The following GPBP1L1 variants were observed in gnomAD, a reference collection of about 807,000 sequenced individuals.
GPBP1L1 encodes the protein vasculin-like protein 1.
GPBP1L1 carries 23 observed loss-of-function variants against 52.5 expected under a neutral mutation model. That is an observed-to-expected ratio of 0.44 (90% CI 0.32 to 0.62). The LOEUF is 0.62. GPBP1L1 is among the 20% of genes least tolerant of loss of function. GPBP1L1 has a pLI of 0.06. For synonymous variants in GPBP1L1, 243 were observed against 203.1 expected (o/e 1.20, Z -1.67); for missense variants, 596 against 579.3 (o/e 1.03, Z -0.30).
At chr1:45,651,209 C>T (rs531082554) in intron 6 of GPBP1L1, 30 of 450,796 alleles carry the variant, frequency 6.7e-5, no homozygotes, top group African/African-American at 1.2e-4. Context: ...TCCAAGTTAA[C>T]CTGTGTGAAG....
intron 12 of GPBP1L1, 122 bp downstream of exon 12, chr1:45,629,454 T>TTTCCCCCCCCCCCC: frequency 3.5e-5 from 4 of 115,396 alleles, no homozygotes; most frequent in South Asian, 1.9e-4. Context: ...ACTAAGGTAA[T>TTTCCCCCCCCCCCC]CCCCCCCCCC....
chr1:45,639,714 A>G (rs560923199), intron 8 of GPBP1L1, among the ~76,000 whole-genome samples: 50 of 152,050 alleles, frequency 3.3e-4, no homozygotes, highest in South Asian at 8.3e-4. Context: ...CGTCTCTACT[A>G]AAAATACAAA....
chr1:45,646,487 G>C (rs1176911087), intron 6 of GPBP1L1, among the ~76,000 whole-genome samples: 1 of 151,802 alleles, frequency 6.6e-6, no homozygotes, highest in Non-Finnish European at 1.5e-5. Context: ...TAGTCATCCT[G>C]GCTATCCTTT....
In GPBP1L1 at chr1:45,660,542, A is replaced by C. The variant is rs1644936347; in HGVS notation, c.-414T>G. 1.0e-6 allele frequency: 1 copy of C among 985,180 alleles called. No homozygotes were observed. The highest frequency in any genetic ancestry group is 4.7e-5 in the South Asian group (1 of 21,284). 61.0% of individuals were successfully genotyped at this position (985,180 alleles called of 1,614,324 possible). On this transcript the variant is annotated 5_prime_UTR_variant, in exon 3 of 13. Coordinates refer to ENST00000355105, the MANE Select transcript of GPBP1L1 (RefSeq NM_021639.5). Reference sequence around the variant, plus strand: ...GCACTATGATGTTGCTTAATTAGGTAAGACATGGATATTTGCACCGAGTGC... The same window carrying C: ...GCACTATGATGTTGCTTAATTAGGTCAGACATGGATATTTGCACCGAGTGC...
At chr1:45,630,644 G>C (rs372518521) in intron 10 of GPBP1L1, 38 bp from the exon 11 acceptor site, 6 of 1,608,496 alleles carry the variant, frequency 3.7e-6, no homozygotes, top group Non-Finnish European at 5.1e-6. Flanking sequence ...TTGGTTTAAG[G>C]TTCCTTTGTA....
At chr1:45,654,298 A>T in intron 6 of GPBP1L1, 1 of 367,876 alleles carries the variant, frequency 2.7e-6, no homozygotes, top group Non-Finnish European at 4.9e-6. Context: ...AAGACTTAAG[A>T]GAAATTAAAT....
chr1:45,652,082 T>C (rs1045561566), intron 6 of GPBP1L1, among the ~76,000 whole-genome samples: 1 of 152,248 alleles, frequency 6.6e-6, no homozygotes, highest in South Asian at 2.1e-4. Flanking sequence ...AATTCTGTTA[T>C]GAGGCTGTCC....
chr1:45,638,191 T>C (rs1644620538), intron 8 of GPBP1L1, among the ~76,000 whole-genome samples: 1 of 152,262 alleles, frequency 6.6e-6, no homozygotes, highest in Non-Finnish European at 1.5e-5. Context: ...AATCCTTTAA[T>C]GATCTCTTCC....
Position 45,634,223 on chromosome 1 carries a change from T to C in GPBP1L1, c.758A>G (p.Lys253Arg). The C allele has an allele frequency of 6.2e-7, 1 of 1,612,938 alleles. No homozygotes were observed. Among genetic ancestry groups the C allele is most frequent in the Non-Finnish European group, 8.5e-7 (1 of 1,179,258 alleles). Reference sequence around the variant, plus strand: ...TGACTTGTGCTCCATCCTGTTAGCTTTCCATGCATTAGGCTACACAGGGTG... The same window carrying C: ...TGACTTGTGCTCCATCCTGTTAGCTCTCCATGCATTAGGCTACACAGGGTG... ...VPPPSKPNAWKANRMEHKSGS... is the reference protein window; with the variant it reads ...VPPPSKPNAWRANRMEHKSGS... Residue 253 changes from lysine (K) to arginine (R), a missense_variant, in exon 9 of 13, where the codon AAA (lysine) becomes AGA (arginine). Transcript: ENST00000355105.
chr1:45,629,623 G>A lies in GPBP1L1; in HGVS notation c.1225C>T (p.Pro409Ser). Residue 409 changes from proline (P) to serine (S), a missense_variant, in exon 12 of 13, where the codon CCC (proline) becomes TCC (serine). Coordinates refer to ENST00000355105, the MANE Select transcript of GPBP1L1 (RefSeq NM_021639.5). ...TCTTTGAGCTCATCCTCTGTGAGGG[G>A]AAGGCAATTCTCATCATTTTCAGGA... ...EYPENDENCL[P>S]LTEDELKEFH... is the part of the protein sequence containing the mutation. 1.2e-6 allele frequency: 2 copies of A among 1,613,626 alleles called. No homozygotes were observed. Among genetic ancestry groups the A allele is most frequent in the Non-Finnish European group, 1.7e-6 (2 of 1,179,570 alleles).
At chr1:45,681,529 T>A (rs1557725281) in intron 2 of GPBP1L1, among the ~76,000 whole-genome samples, 1 of 152,172 alleles carries the variant, frequency 6.6e-6, no homozygotes, top group East Asian at 1.9e-4. Flanking sequence ...AGAAAAGTAG[T>A]ACCTAAGAAA....
At chr1:45,636,214 T>C (rs772388835) in intron 8 of GPBP1L1, among the ~76,000 whole-genome samples, 22 of 152,188 alleles carry the variant, frequency 1.4e-4, no homozygotes, top group Non-Finnish European at 7.4e-5. Flanking sequence ...CTGTCCCTTT[T>C]TCCCTTCTTG....
Position 45,628,198 on chromosome 1 carries a change from A to G in GPBP1L1, c.*58T>C, listed in dbSNP as rs535795471. ...AAAGGAAAAGAACGATTTCTTTTGTATACTCCCTAAACACACAGAGTTTAC... is the reference window on the plus strand; with the variant it reads ...AAAGGAAAAGAACGATTTCTTTTGTGTACTCCCTAAACACACAGAGTTTAC... On this transcript the variant is annotated 3_prime_UTR_variant, in exon 13 of 13. Transcript: ENST00000355105. 33 of 1,490,158 alleles carry G rather than the reference A, an allele frequency of 2.2e-5. No homozygotes were observed. In the South Asian group the frequency reaches 3.2e-4, roughly 15 times the overall value. 92.3% of individuals were successfully genotyped at this position (1,490,158 alleles called of 1,614,324 possible).
At chr1:45,664,875 C>T (rs1207458600) in intron 2 of GPBP1L1, among the ~76,000 whole-genome samples, 9 of 152,002 alleles carry the variant, frequency 5.9e-5, no homozygotes, top group Non-Finnish European at 8.8e-5. Flanking sequence ...GATAGAGTTT[C>T]GCCATGTTAG....
chr1:45,674,456 T>C (rs1194932599), intron 2 of GPBP1L1, among the ~76,000 whole-genome samples: 1 of 152,226 alleles, frequency 6.6e-6, no homozygotes, highest in East Asian at 1.9e-4. Context: ...TGACAACCAC[T>C]GTATTAACAT....
intron 6 of GPBP1L1, among the ~76,000 whole-genome samples, chr1:45,652,847 A>G (rs1236376799): frequency 6.6e-6 from 1 of 152,052 alleles, no homozygotes; most frequent in Non-Finnish European, 1.5e-5. Flanking sequence ...TTTGATATGA[A>G]TTTCATCAAG....
intron 4 of GPBP1L1, 76 bp from the exon 5 acceptor site, chr1:45,655,395 T>C (rs1195169359): frequency 2.0e-6 from 3 of 1,491,526 alleles, no homozygotes; most frequent in Non-Finnish European, 2.8e-6. Context: ...AGGCTTTGCA[T>C]CAGGCCTTCA....
chr1:45,664,738 T>A (rs1644989813), intron 2 of GPBP1L1, among the ~76,000 whole-genome samples: 1 of 152,018 alleles, frequency 6.6e-6, no homozygotes, highest in African/African-American at 2.4e-5. Flanking sequence ...TGCAGTGGCA[T>A]GACCTCAGAT....
intron 7 of GPBP1L1, among the ~76,000 whole-genome samples, chr1:45,641,386 T>A (rs1233625591): frequency 6.6e-6 from 1 of 150,544 alleles, no homozygotes. Context: ...GGCGACAGAG[T>A]GAGATTCTGT....
Sources: gnomAD v4.1 joint callset for allele counts (sites outside exome capture counted in the v4.1 genomes callset) on GRCh38, gnomAD v4.1.1 for gene constraint, MANE v1.5 for transcripts, NCBI Gene and HGNC (gene_info 2026-07-23, HGNC 2026-07-21) for gene names.